SNTG1: variants seen among roughly 807,000 people sequenced by gnomAD.
SNTG1 encodes syntrophin gamma 1.
Under a neutral mutation model 74.7 loss-of-function variants are expected in SNTG1, and 39 were observed. The ratio of observed to expected loss-of-function variants is 0.52; its 90% CI spans 0.40 to 0.68. The LOEUF (loss-of-function observed/expected upper bound fraction) is 0.68. SNTG1 is among the 30% of genes least tolerant of loss of function. The pLI is 0.00. For missense variants in SNTG1, 685 were observed against 609.5 expected (o/e 1.12, Z -1.30); for synonymous variants, 254 against 217.1 (o/e 1.17, Z -1.49).
chr8:50,761,476 G>T (rs1053578972), intron 18 of SNTG1, among the ~76,000 whole-genome samples: 2 of 151,886 alleles, frequency 1.3e-5, no homozygotes, highest in African/African-American at 4.8e-5. Context: ...GGCTGGAAGG[G>T]GTTGGAGTAG....
At chr8:50,307,316 G>A (rs199555563) in intron 2 of SNTG1, among the ~76,000 whole-genome samples, 1 of 151,886 alleles carries the variant, frequency 6.6e-6, no homozygotes, top group South Asian at 2.1e-4. Context: ...TGTACCTAGG[G>A]TTATATGAGA....
Position 50,402,203 on chromosome 8 carries a change from T to C in SNTG1, c.28-7T>C, listed in dbSNP as rs762572954. The C allele has an allele frequency of 1.3e-6, 2 of 1,583,218 alleles. No individual in the cohort carries two copies. Among genetic ancestry groups the C allele is most frequent in the Non-Finnish European group, 1.7e-6 (2 of 1,172,026 alleles). On this transcript the variant is annotated splice_region_variant and splice_polypyrimidine_tract_variant and intron_variant, in intron 3 of 18. Transcript: ENST00000642720. ...TTCCTCTGTTTGTTTTTTTTTTTAATCTGAAGACAAAGACAGGAATTTGTT... is the reference window on the plus strand; with the variant it reads ...TTCCTCTGTTTGTTTTTTTTTTTAACCTGAAGACAAAGACAGGAATTTGTT...
chr8:50,375,550 T>C (rs1391981899), intron 2 of SNTG1, among the ~76,000 whole-genome samples: 3 of 152,096 alleles, frequency 2.0e-5, no homozygotes, highest in African/African-American at 7.2e-5. Flanking sequence ...AGGGAAATGT[T>C]TAGGCTGAAT....
intron 2 of SNTG1, among the ~76,000 whole-genome samples, chr8:50,203,630 C>T (rs567286093): frequency 1.3e-5 from 2 of 151,956 alleles, no homozygotes; most frequent in South Asian, 2.1e-4. Flanking sequence ...GAAACATATA[C>T]CTTTTATTTG....
rs557002852 is a variant in SNTG1 at position 50,472,125 on chromosome 8, G to A, written c.363+21396G>A. On this transcript the variant is annotated intron_variant, in intron 8 of 18. Coordinates refer to ENST00000642720, the MANE Select transcript of SNTG1 (RefSeq NM_018967.5). Reference sequence around the variant, plus strand: ...TATTAATACATCAGAACTACCCATTGTAATTTACAGAGTTGGTGTGATCTC... The same window carrying A: ...TATTAATACATCAGAACTACCCATTATAATTTACAGAGTTGGTGTGATCTC... Among the ~76,000 whole-genome samples the A allele has an allele frequency of 2.0e-5, 3 of 152,240 alleles. No homozygotes were observed. In the East Asian group the frequency reaches 5.8e-4, roughly 29 times the overall value.
chr8:50,725,934 A>G (rs547291040), intron 17 of SNTG1, among the ~76,000 whole-genome samples: 1 of 152,174 alleles, frequency 6.6e-6, no homozygotes, highest in Non-Finnish European at 1.5e-5. Context: ...TGACTGTAGG[A>G]TTGGCAAGGC....
intron 13 of SNTG1, among the ~76,000 whole-genome samples, chr8:50,597,485 T>A (rs28788821): frequency 0.15 from 23,116 of 151,152 alleles, 4,629 homozygotes; most frequent in African/African-American, 0.46. Context: ...GTTGATACCA[T>A]ATCTCAGCTA....
intron 13 of SNTG1, among the ~76,000 whole-genome samples, chr8:50,610,752 G>A (rs1226629107): frequency 1.3e-5 from 2 of 152,070 alleles, no homozygotes; most frequent in Non-Finnish European, 2.9e-5. Flanking sequence ...TGGAAAATGG[G>A]AATAAAATGA....
intron 8 of SNTG1, among the ~76,000 whole-genome samples, chr8:50,467,542 G>C (rs927585112): frequency 6.6e-6 from 1 of 151,588 alleles, no homozygotes; most frequent in African/African-American, 2.4e-5. Context: ...TTCTTGGTGA[G>C]TTTCCTAGCA....
intron 2 of SNTG1, among the ~76,000 whole-genome samples, chr8:50,227,591 CAT>C (rs2085394787): frequency 6.6e-6 from 1 of 152,068 alleles, no homozygotes; most frequent in African/African-American, 2.4e-5. Flanking sequence ...AAAATTTCAT[CAT>C]CAGGTTGTAG....
chr8:50,417,719 T>C (rs1490150535), intron 4 of SNTG1, among the ~76,000 whole-genome samples: 1 of 152,162 alleles, frequency 6.6e-6, no homozygotes, highest in Non-Finnish European at 1.5e-5. Flanking sequence ...TCCAAGGTGA[T>C]GCCCTTGCTT....
chr8:50,101,184 G>A (rs77608782), intron 1 of SNTG1, among the ~76,000 whole-genome samples: 2 of 151,858 alleles, frequency 1.3e-5, no homozygotes, highest in Non-Finnish European at 2.9e-5. Context: ...TCCATCATTG[G>A]TGGGCATCTA....
intron 13 of SNTG1, among the ~76,000 whole-genome samples, chr8:50,613,447 G>A (rs1484419470): frequency 1.3e-5 from 2 of 152,100 alleles, no homozygotes; most frequent in African/African-American, 4.8e-5. Context: ...GAAATAATAT[G>A]AATTTAATAA....
intron 12 of SNTG1, among the ~76,000 whole-genome samples, chr8:50,572,408 T>G (rs2094554354): frequency 6.6e-6 from 1 of 152,084 alleles, no homozygotes; most frequent in Non-Finnish European, 1.5e-5. Context: ...GATTCACAGT[T>G]GTATGTGTGT....
chr8:50,307,966 T>C (rs926887907), intron 2 of SNTG1, among the ~76,000 whole-genome samples: 1 of 152,108 alleles, frequency 6.6e-6, no homozygotes, highest in African/African-American at 2.4e-5. Flanking sequence ...GCTTTCCCTT[T>C]GCCCATATTT....
At chr8:49,921,438 T>G (rs1339582930) in intron 1 of SNTG1, among the ~76,000 whole-genome samples, 1 of 152,118 alleles carries the variant, frequency 6.6e-6, no homozygotes, top group Non-Finnish European at 1.5e-5. Context: ...ATGTTTGGAC[T>G]GTCAGATCCT....
intron 2 of SNTG1, among the ~76,000 whole-genome samples, chr8:50,330,821 A>G (rs1378936612): frequency 6.6e-6 from 1 of 152,056 alleles, no homozygotes; most frequent in Non-Finnish European, 1.5e-5. Flanking sequence ...AACACTTATA[A>G]AACCATTCGA....
chr8:50,212,109 T>C (rs1009718339), intron 2 of SNTG1, among the ~76,000 whole-genome samples: 1 of 152,134 alleles, frequency 6.6e-6, no homozygotes, highest in Non-Finnish European at 1.5e-5. Context: ...CTCTCAAAAC[T>C]GGTTTTTTTT....
At chr8:50,546,706 A>C (rs946222228) in intron 11 of SNTG1, among the ~76,000 whole-genome samples, 1 of 152,110 alleles carries the variant, frequency 6.6e-6, no homozygotes, top group Non-Finnish European at 1.5e-5. Context: ...TACAAAGGAC[A>C]TGAACTCATC....
Sources: allele counts gnomAD v4.1 joint callset (sites outside exome capture counted in the v4.1 genomes callset), GRCh38; gene constraint gnomAD v4.1.1; transcripts MANE v1.5; gene names NCBI Gene and HGNC (gene_info 2026-07-23, HGNC 2026-07-21).